The following CIROZ variants were observed in gnomAD, a reference collection of about 807,000 sequenced individuals.
CIROZ encodes ciliated left-right organizer ZP-N domains-containing protein.
chr1:10,967,184 T>TA, the CIROZ span, among the ~76,000 whole-genome samples: 8 of 147,490 alleles, frequency 5.4e-5, no homozygotes, highest in African/African-American at 1.3e-4. Flanking sequence ...CTCCATTGCT[T>TA]AAAAAAAACA....
At chr1:10,959,397 C>T in the CIROZ span, among the ~76,000 whole-genome samples, 1 of 152,166 alleles carries the variant, frequency 6.6e-6, no homozygotes, top group African/African-American at 2.4e-5. This position sits in a 1 kb window ranked among gnomAD's most constrained non-coding sequence, Gnocchi z 4.3. Flanking sequence ...GTTTCACAGA[C>T]CAGGGCCCAA....
At chr1:10,980,950 C>T in the CIROZ span, among the ~76,000 whole-genome samples, 1,818 of 152,344 alleles carry the variant, frequency 0.012, 45 homozygotes, top group African/African-American at 0.041. Flanking sequence ...TCAGCTTCTC[C>T]ACTGCCTTCA....
the CIROZ span, chr1:10,969,974 C>G: frequency 6.5e-7 from 1 of 1,533,148 alleles, no homozygotes; most frequent in Admixed American, 2.0e-5. Flanking sequence ...TCTTACCTGG[C>G]AAGTGCAAGG....
At chr1:10,956,413 C>A in the CIROZ span, among the ~76,000 whole-genome samples, 1 of 152,096 alleles carries the variant, frequency 6.6e-6, no homozygotes, top group Non-Finnish European at 1.5e-5. Flanking sequence ...GCCTCTGGAG[C>A]CAGCTTAGGA....
At chr1:10,948,374 C>G in the CIROZ span, 1 of 1,613,370 alleles carries the variant, frequency 6.2e-7, no homozygotes, top group Non-Finnish European at 8.5e-7. Context: ...ATGGCTGGAA[C>G]TCCTCACTGG....
the CIROZ span, among the ~76,000 whole-genome samples, chr1:10,969,676 C>T: frequency 1.3e-5 from 2 of 152,276 alleles, no homozygotes; most frequent in African/African-American, 4.8e-5. Flanking sequence ...ACAAAAAGCA[C>T]GTGGGCCGTG....
the CIROZ span, chr1:10,957,463 A>C: frequency 8.7e-7 from 1 of 1,147,424 alleles, no homozygotes; most frequent in Non-Finnish European, 1.2e-6. Flanking sequence ...CTTTACGCTA[A>C]TGGGGCCCAA....
chr1:10,964,222 C>T, the CIROZ span: 12 of 1,614,096 alleles, frequency 7.4e-6, no homozygotes, highest in Non-Finnish European at 1.0e-5. Flanking sequence ...CCGCTCCAAC[C>T]CCATCACCCC....
chr1:10,954,886 A>T, the CIROZ span: 2 of 1,268,578 alleles, frequency 1.6e-6, no homozygotes, highest in Non-Finnish European at 2.2e-6. Context: ...AGCCACTGTG[A>T]CTGGCCTACC....
chr1:10,964,987 T>C, the CIROZ span, among the ~76,000 whole-genome samples: 1 of 151,976 alleles, frequency 6.6e-6, no homozygotes, highest in Non-Finnish European at 1.5e-5. Flanking sequence ...AGTTGAGGCT[T>C]AGAGAAGGTA....
the CIROZ span, chr1:10,954,278 C>A: frequency 9.8e-7 from 1 of 1,019,488 alleles, no homozygotes; most frequent in South Asian, 1.7e-5. Context: ...CACAGTGAAA[C>A]CCTGTCTCTA....
the CIROZ span, chr1:10,947,526 C>T: frequency 4.2e-6 from 3 of 714,310 alleles, no homozygotes; most frequent in Non-Finnish European, 6.2e-6. Flanking sequence ...ATCATCTGGG[C>T]CAGAAGAGCA....
chr1:10,971,516 C>A, the CIROZ span, among the ~76,000 whole-genome samples: 4 of 152,136 alleles, frequency 2.6e-5, no homozygotes, highest in Admixed American at 2.6e-4. Flanking sequence ...CTGCTTGAAA[C>A]ACCATTCCCA....
chr1:10,982,069 G>A, the CIROZ span: 7 of 1,537,024 alleles, frequency 4.6e-6, no homozygotes, highest in South Asian at 7.1e-5. Context: ...CCTGCCCTGG[G>A]AGAATTTAAT....
the CIROZ span, chr1:10,947,702 T>G: frequency 2.6e-6 from 4 of 1,538,898 alleles, no homozygotes; most frequent in African/African-American, 1.4e-5. Flanking sequence ...CCACACTGTC[T>G]TGAAGCTCAG....
the CIROZ span, chr1:10,957,152 C>A: frequency 6.8e-7 from 1 of 1,468,806 alleles, no homozygotes; most frequent in Admixed American, 2.2e-5. Flanking sequence ...AAAACTGCTC[C>A]TTCCAGATGC....
chr1:10,965,206 C>T, the CIROZ span, among the ~76,000 whole-genome samples: 1 of 151,776 alleles, frequency 6.6e-6, no homozygotes, highest in African/African-American at 2.4e-5. Context: ...CAGAGAAGGG[C>T]GACCACAGAG....
chr1:10,948,025 T>C, the CIROZ span: 1 of 1,613,288 alleles, frequency 6.2e-7, no homozygotes, highest in East Asian at 2.2e-5. Context: ...AGAGGTTCCA[T>C]AGGAAGAACT....
At chr1:10,953,414 C>T in the CIROZ span, among the ~76,000 whole-genome samples, 31 of 152,306 alleles carry the variant, frequency 2.0e-4, no homozygotes, top group South Asian at 5.4e-3. Context: ...GCGGAGCTTT[C>T]GCCAAAAACC....
Sources: allele counts gnomAD v4.1 joint callset (sites outside exome capture counted in the v4.1 genomes callset), GRCh38; gene constraint gnomAD v4.1.1; non-coding constraint Gnocchi (gnomAD v3.1); transcripts MANE v1.5; gene names NCBI Gene and HGNC (gene_info 2026-07-23, HGNC 2026-07-21).